SUGCT: variants seen among roughly 807,000 people sequenced by gnomAD.
The protein encoded by SUGCT is succinyl-CoA:glutarate-CoA transferase, also known as succinyl-CoA:glutarate CoA-transferase.
SUGCT carries 41 observed loss-of-function variants against 55.0 expected under a neutral mutation model. The observed-to-expected ratio is 0.74, with a 90% confidence interval of 0.58 to 0.97. The LOEUF is 0.97. SUGCT is among the 50% of genes least tolerant of loss of function. The probability of loss-of-function intolerance (pLI) is 0.00; values close to 1 mark genes in which losing one functional copy is unlikely to be tolerated. For missense variants in SUGCT, 568 were observed against 547.8 expected, an observed-to-expected ratio of 1.04 and a Z score of -0.37; for synonymous variants, 187 against 200.4, an observed-to-expected ratio of 0.93 and a Z score of 0.56.
At chr7:40,290,028 A>T (rs1299541361) in intron 8 of SUGCT, among the ~76,000 whole-genome samples, 2 of 152,136 alleles carry the variant, frequency 1.3e-5, no homozygotes, top group Non-Finnish European at 2.9e-5. Flanking sequence ...ATGGAAGAAC[A>T]TTCCACGCTC....
chr7:40,369,938 G>C (rs540795598), intron 9 of SUGCT, among the ~76,000 whole-genome samples: 1 of 152,140 alleles, frequency 6.6e-6, no homozygotes, highest in Non-Finnish European at 1.5e-5. Flanking sequence ...CCTAGTGCTC[G>C]TGGGGAATGG....
At chr7:41,013,353 G>C in the SUGCT span, among the ~76,000 whole-genome samples, 2 of 152,052 alleles carry the variant, frequency 1.3e-5, no homozygotes, top group East Asian at 3.9e-4. Flanking sequence ...TCCTTCTCTT[G>C]GGATCCATAA....
At chr7:40,537,681 G>A (rs990232233) in intron 12 of SUGCT, among the ~76,000 whole-genome samples, 1 of 152,150 alleles carries the variant, frequency 6.6e-6, no homozygotes, top group Non-Finnish European at 1.5e-5. Context: ...AACAGAGATC[G>A]TAAAGATTTT....
At chr7:40,944,693 G>A in the SUGCT span, among the ~76,000 whole-genome samples, 37 of 152,100 alleles carry the variant, frequency 2.4e-4, no homozygotes, top group East Asian at 4.6e-3. Context: ...GTTTGAAGTC[G>A]GGTAGCGTGA....
intron 9 of SUGCT, among the ~76,000 whole-genome samples, chr7:40,435,734 C>A (rs189629241): frequency 6.6e-6 from 1 of 152,076 alleles, no homozygotes; most frequent in Non-Finnish European, 1.5e-5. Context: ...TGTCCCTCCA[C>A]GCTTTGCCTT....
At chr7:40,730,136 C>A (rs986935027) in intron 12 of SUGCT, among the ~76,000 whole-genome samples, 1 of 152,172 alleles carries the variant, frequency 6.6e-6, no homozygotes, top group Non-Finnish European at 1.5e-5. Context: ...GAGACGGAGT[C>A]TTGCTGTGTT....
intron 13 of SUGCT, among the ~76,000 whole-genome samples, chr7:40,849,724 A>C (rs1012087562): frequency 6.6e-6 from 1 of 152,058 alleles, no homozygotes; most frequent in African/African-American, 2.4e-5. Context: ...AACCACCGGG[A>C]CCGTGTTACG....
rs1799629090 is a variant in SUGCT, at chr7:40,628,464, G to T, written c.1090-120970G>T. Among the ~76,000 whole-genome samples, 4 of 152,236 alleles carry T rather than the reference G, an allele frequency of 2.6e-5. No individual in the cohort carries two copies. In the South Asian group the frequency reaches 8.3e-4, roughly 32 times the overall value. On this transcript the variant is annotated intron_variant, in intron 12 of 13. Transcript: ENST00000335693. ...GTAATCAGAGTATGCCATTTAAATT[G>T]GGGGTTCCTGTCAGGTGGGACATCT... is the stretch of plus-strand genomic sequence containing the variant.
chr7:41,013,020 AT>A, the SUGCT span, among the ~76,000 whole-genome samples: 1 of 2,326 alleles, frequency 4.3e-4, no homozygotes, highest in Non-Finnish European at 7.2e-4. Context: ...TGATTTAAAT[AT>A]ATATATATAT....
intron 9 of SUGCT, among the ~76,000 whole-genome samples, chr7:40,381,082 A>G (rs1417397666): frequency 6.6e-6 from 1 of 152,100 alleles, no homozygotes; most frequent in Admixed American, 6.5e-5. Context: ...GGGCAGTAGA[A>G]TGTGTTGAGA....
the SUGCT span, among the ~76,000 whole-genome samples, chr7:40,886,399 T>G: frequency 6.6e-6 from 1 of 152,080 alleles, no homozygotes; most frequent in South Asian, 2.1e-4. Context: ...TAAGCTACTG[T>G]GGGGATGAAC....
intron 9 of SUGCT, among the ~76,000 whole-genome samples, chr7:40,321,810 A>G (rs1360438709): frequency 6.6e-6 from 1 of 152,066 alleles, no homozygotes; most frequent in East Asian, 1.9e-4. Context: ...GATATACCAC[A>G]TTTTCTTTAT....
At chr7:40,278,076 T>C (rs1244435668) in intron 8 of SUGCT, among the ~76,000 whole-genome samples, 1 of 152,148 alleles carries the variant, frequency 6.6e-6, no homozygotes, top group East Asian at 1.9e-4. Context: ...ATTTTCTTAA[T>C]CCAGTCTATC....
At chr7:40,490,717 A>C (rs1791631272) in intron 11 of SUGCT, among the ~76,000 whole-genome samples, 1 of 152,180 alleles carries the variant, frequency 6.6e-6, no homozygotes, top group African/African-American at 2.4e-5. Flanking sequence ...TGGATTTTTA[A>C]GGTCATTTGA....
intron 13 of SUGCT, among the ~76,000 whole-genome samples, chr7:40,851,066 T>A (rs1793827264): frequency 6.6e-6 from 1 of 152,304 alleles, no homozygotes; most frequent in Middle Eastern, 3.4e-3. Flanking sequence ...GTAAAGATAC[T>A]GAGGCACAGG....
intron 9 of SUGCT, among the ~76,000 whole-genome samples, chr7:40,371,440 C>T (rs1784289781): frequency 6.6e-6 from 1 of 152,096 alleles, no homozygotes; most frequent in Non-Finnish European, 1.5e-5. Flanking sequence ...AAATTGGCTA[C>T]TAACTATCAG....
In SUGCT at chr7:40,500,348, A is replaced by G. The variant is rs184321401; in HGVS notation, c.1089+3962A>G. Among the ~76,000 whole-genome samples, 142 of 152,256 alleles carry G rather than the reference A, an allele frequency of 9.3e-4. 1 individual carries two copies. The highest frequency in any genetic ancestry group is 3.2e-3 in the African/African-American group (135 of 41,558). ...CCCTGAAGCATCACTTCTGAGATCT[A>G]TTGGGAGGAAAATATCAGAACTATT... On this transcript the variant is annotated intron_variant, in intron 12 of 13. Coordinates refer to ENST00000335693, the MANE Select transcript of SUGCT (RefSeq NM_001193313.2).
chr7:40,749,645 T>C (rs1215638709), intron 13 of SUGCT, 148 bp downstream of exon 13: 11 of 653,974 alleles, frequency 1.7e-5, no homozygotes, highest in East Asian at 5.3e-5. Context: ...ATCCTAGGAC[T>C]GCACTCACAA....
At chr7:40,306,473 A>G (rs1156621348) in intron 8 of SUGCT, among the ~76,000 whole-genome samples, 1 of 152,204 alleles carries the variant, frequency 6.6e-6, no homozygotes, top group South Asian at 2.1e-4. Flanking sequence ...CTCCCACTAC[A>G]CTTAACAGAT....
Sources: allele counts gnomAD v4.1 joint callset (sites outside exome capture counted in the v4.1 genomes callset), GRCh38; gene constraint gnomAD v4.1.1; transcripts MANE v1.5; gene names NCBI Gene and HGNC (gene_info 2026-07-23, HGNC 2026-07-21).